The following METTL14 variants were observed in gnomAD, a reference collection of about 807,000 sequenced individuals.
The protein encoded by METTL14 is methyltransferase 14, N6-adenosine-methyltransferase non-catalytic subunit.
METTL14 carries 32 observed loss-of-function variants against 62.4 expected under a neutral mutation model. The observed-to-expected ratio is 0.51, with a 90% CI of 0.39 to 0.69. The LOEUF is 0.69. METTL14 is among the 30% of genes least tolerant of loss of function. The probability of loss-of-function intolerance (pLI) is 0.00; values close to 1 mark genes in which losing one functional copy is unlikely to be tolerated. For missense variants in METTL14, 340 were observed against 551.9 expected, an observed-to-expected ratio of 0.62 and a Z score of 3.85; for synonymous variants, 150 against 180.0, an observed-to-expected ratio of 0.83 and a Z score of 1.34.
intron 9 of METTL14, among the ~76,000 whole-genome samples, chr4:118,704,349 CAGAA>C (rs948103444): frequency 2.8e-4 from 43 of 152,246 alleles, no homozygotes; most frequent in African/African-American, 9.6e-4. Flanking sequence ...TTTCTAGGCT[CAGAA>C]AGAAGAGATA....
rs1185513917 is a variant in METTL14, at chr4:118,697,099, A to C, written c.504-83A>C. ...TAGTGATATCTAAGACATTTCTTTC[A>C]TTACCATCTGTTAAGGTACTTGAAA... On this transcript the variant is annotated intron_variant, in intron 6 of 10. Transcript: ENST00000388822. The C allele has an allele frequency of 6.8e-6, 7 of 1,024,292 alleles. No individual in the cohort carries two copies. In the African/African-American group the frequency reaches 1.1e-4, roughly 17 times the overall value. 63.5% of individuals were successfully genotyped at this position (1,024,292 alleles called of 1,614,324 possible). A position where few individuals can be genotyped will look rare whatever the true frequency, so the allele number is the denominator to read the frequency against.
chr4:118,707,200 AAAAG>A (rs1170950486), intron 10 of METTL14, among the ~76,000 whole-genome samples: 2 of 152,172 alleles, frequency 1.3e-5, no homozygotes, highest in African/African-American at 2.4e-5. Context: ...TACTAGTACA[AAAAG>A]AAAGAAAGAA....
In METTL14 at chr4:118,691,546, G is replaced by A; in HGVS notation, c.258G>A (p.Met86Ile). ...KMEEYKDELE[M>I]QQDEENLPYE... ...TGTTTTTCAAGGATGAACTAGAAATGCAACAGGATGAAGAAAATTTGCCAT... is the reference window on the plus strand; with the variant it reads ...TGTTTTTCAAGGATGAACTAGAAATACAACAGGATGAAGAAAATTTGCCAT... Residue 86 changes from methionine to isoleucine, a missense_variant, in exon 4 of 11, where the codon ATG (methionine) becomes ATA (isoleucine). Physicochemically the swap from Met to Ile is conservative, Grantham distance 10. This residue lies in a region of METTL14 where 111 missense variants were observed against 116.6 expected (regional missense o/e 0.95). Transcript: ENST00000388822. 6.4e-7 allele frequency: 1 copy of A among 1,550,772 alleles called. No homozygotes were observed. The highest frequency in any genetic ancestry group is 8.7e-7 in the Non-Finnish European group (1 of 1,144,426).
intron 7 of METTL14, among the ~76,000 whole-genome samples, chr4:118,697,880 A>G (rs1204374472): frequency 6.6e-6 from 1 of 152,026 alleles, no homozygotes; most frequent in African/African-American, 2.4e-5. Context: ...AACAATATAA[A>G]TAGATTAGTT....
intron 5 of METTL14, 115 bp from the exon 6 acceptor site, chr4:118,694,321 A>G (rs1724340363): frequency 3.1e-6 from 2 of 637,798 alleles, no homozygotes; most frequent in African/African-American, 1.9e-5. Flanking sequence ...CTTAAAAGAT[A>G]TGAGTCAAGT....
At chr4:118,706,697 C>T (rs796961731) in intron 10 of METTL14, among the ~76,000 whole-genome samples, 15 of 152,344 alleles carry the variant, frequency 9.8e-5, no homozygotes, top group African/African-American at 2.9e-4. Flanking sequence ...TACATTTCCA[C>T]CGGCAGTGAG....
chr4:118,691,090 A>C (rs548324168), intron 3 of METTL14, among the ~76,000 whole-genome samples: 2 of 152,006 alleles, frequency 1.3e-5, no homozygotes, highest in Non-Finnish European at 2.9e-5. Flanking sequence ...ATAATATGTA[A>C]CTTAAATGTT....
chr4:118,703,431 C>T (rs1164043923), intron 8 of METTL14, among the ~76,000 whole-genome samples: 14 of 152,140 alleles, frequency 9.2e-5, no homozygotes, highest in Non-Finnish European at 2.1e-4. Context: ...ATACACGTAA[C>T]AATTTTAAGT....
intron 7 of METTL14, among the ~76,000 whole-genome samples, chr4:118,699,654 C>T (rs1239603025): frequency 2.0e-5 from 3 of 152,114 alleles, no homozygotes; most frequent in African/African-American, 4.8e-5. Context: ...CTAGCCAATC[C>T]GTGAGGTTTC....
chr4:118,707,285 A>G (rs1484724249), intron 10 of METTL14, among the ~76,000 whole-genome samples: 1 of 152,198 alleles, frequency 6.6e-6, no homozygotes, highest in Non-Finnish European at 1.5e-5. Flanking sequence ...CAAATAAGGA[A>G]GAAAAATTTG....
chr4:118,697,881 T>C (rs1356738941), intron 7 of METTL14, among the ~76,000 whole-genome samples: 1 of 151,804 alleles, frequency 6.6e-6, no homozygotes, highest in Non-Finnish European at 1.5e-5. Flanking sequence ...ACAATATAAA[T>C]AGATTAGTTG....
At chr4:118,687,799 G>C (rs191443177) in intron 1 of METTL14, 124 bp from the exon 2 acceptor site, 3 of 666,168 alleles carry the variant, frequency 4.5e-6, no homozygotes, top group African/African-American at 3.7e-5. Flanking sequence ...TTGTGTGTGT[G>C]TGTGTGTGTG....
At chr4:118,700,520 T>C in intron 7 of METTL14, 30 bp from the exon 8 acceptor site, 1 of 1,546,494 alleles carries the variant, frequency 6.5e-7, no homozygotes, top group Non-Finnish European at 8.9e-7. Flanking sequence ...ACAAAATACT[T>C]TTATGCAATA....
At chr4:118,689,307 A>G (rs1724170603) in intron 2 of METTL14, 63 bp from the exon 3 acceptor site, 6 of 809,252 alleles carry the variant, frequency 7.4e-6, no homozygotes, top group Non-Finnish European at 7.7e-6. Context: ...GTTTATTATT[A>G]TTAATAGATG....
chr4:118,698,811 T>C (rs1342223662), intron 7 of METTL14, among the ~76,000 whole-genome samples: 1 of 152,118 alleles, frequency 6.6e-6, no homozygotes, highest in East Asian at 1.9e-4. Flanking sequence ...AGGAATAAAA[T>C]ATGAAACTCT....
rs145924616 is a variant in METTL14 at position 118,702,680 on chromosome 4, G to T, written c.739-1255G>T. Among the ~76,000 whole-genome samples, 548 of 152,118 alleles carry T rather than the reference G, an allele frequency of 3.6e-3. 5 individuals are homozygous for T. Among genetic ancestry groups the T allele is most frequent in the African/African-American group, 0.013 (526 of 41,506 alleles). On this transcript the variant is annotated intron_variant, in intron 8 of 10. Transcript: ENST00000388822. ...GGTCCCAGCCACTTGGGAAGCTGAG[G>T]CATGAGAATCACTTGAACCTGAGAG...
chr4:118,697,350 TGAA>T, intron 7 of METTL14, 27 bp downstream of exon 7: 1 of 1,556,892 alleles, frequency 6.4e-7, no homozygotes, highest in Non-Finnish European at 8.7e-7. Context: ...TACATTGTAA[TGAA>T]TTATTTATTT....
Position 118,710,283 on chromosome 4 carries a change from G to T in METTL14, c.1352G>T (p.Gly451Val), listed in dbSNP as rs746003304. The T allele has an allele frequency of 6.2e-7, 1 of 1,612,822 alleles. No homozygotes were observed. Among genetic ancestry groups the T allele is most frequent in the Non-Finnish European group, 8.5e-7 (1 of 1,179,440 alleles). Reference protein sequence around the residue: ...FRGGRGGAHRGGFPPR With the variant: ...FRGGRGGAHRVGFPPR ...GGGGGCCGTGGAGGAGCACACAGAG[G>T]TGGCTTTCCACCTCGATAATTGTTG... Residue 451 changes from glycine to valine, a missense_variant, in exon 11 of 11, where the codon GGT (glycine) becomes GTT (valine). This residue lies in a region of METTL14 where 44 missense variants were observed against 56.4 expected (regional missense o/e 0.78). Transcript: ENST00000388822.
intron 6 of METTL14, among the ~76,000 whole-genome samples, chr4:118,696,652 CTTATA>C (rs1724423124): frequency 6.6e-6 from 1 of 151,984 alleles, no homozygotes; most frequent in Non-Finnish European, 1.5e-5. Context: ...CCAGTAATAA[CTTATA>C]TTAGGTAGCA....
Sources: allele counts gnomAD v4.1 joint callset (sites outside exome capture counted in the v4.1 genomes callset), GRCh38; gene constraint gnomAD v4.1.1; regional missense constraint gnomAD v4.1.1; transcripts MANE v1.5; gene names NCBI Gene and HGNC (gene_info 2026-07-23, HGNC 2026-07-21).